The following PLSCR2 variants were observed in gnomAD, a reference collection of about 807,000 sequenced individuals.
PLSCR2 encodes the protein phospholipid scramblase 2, also known as PL scramblase 2.
A neutral mutation model predicts 25.3 loss-of-function variants in PLSCR2; 18 were observed. The ratio of observed to expected loss-of-function variants is 0.71; its 90% CI spans 0.49 to 1.06. The LOEUF is 1.06. Ranked by LOEUF, PLSCR2 falls within the 50% of genes least tolerant of loss-of-function variation. The pLI is 0.00. For synonymous variants in PLSCR2, 88 were observed against 87.3 expected (o/e 1.01, Z -0.04); for missense variants, 243 against 269.5 (o/e 0.90, Z 0.69).
chr3:146,452,962 T>G (rs2040988585), intron 5 of PLSCR2, among the ~76,000 whole-genome samples: 1 of 151,900 alleles, frequency 6.6e-6, no homozygotes, highest in Non-Finnish European at 1.5e-5. Flanking sequence ...TACACATATA[T>G]AATCATATAT....
At chr3:146,425,446 T>C (rs1265897356) in intron 2 of PLSCR2, among the ~76,000 whole-genome samples, 4 of 152,156 alleles carry the variant, frequency 2.6e-5, no homozygotes, top group African/African-American at 7.2e-5. Context: ...TATGTAGAGT[T>C]TGGTACTATC....
intron 2 of PLSCR2, among the ~76,000 whole-genome samples, chr3:146,425,966 A>G (rs990574318): frequency 4.6e-5 from 7 of 152,132 alleles, no homozygotes; most frequent in African/African-American, 1.7e-4. Flanking sequence ...AGACAATGTA[A>G]ATACACTTTT....
intron 1 of PLSCR2, among the ~76,000 whole-genome samples, chr3:146,475,633 C>G (rs1446638359): frequency 1.3e-5 from 2 of 152,198 alleles, no homozygotes; most frequent in Non-Finnish European, 2.9e-5. Flanking sequence ...TGTGTGACCA[C>G]TGACATCTAT....
chr3:146,491,874 T>C (rs556904158), intron 1 of PLSCR2, among the ~76,000 whole-genome samples: 8 of 152,290 alleles, frequency 5.3e-5, no homozygotes, highest in African/African-American at 1.9e-4. Context: ...AACCAGGAGC[T>C]ACTGCAGTTG....
At chr3:146,445,853 C>A (rs143515414) in intron 6 of PLSCR2, among the ~76,000 whole-genome samples, 8 of 151,818 alleles carry the variant, frequency 5.3e-5, no homozygotes, top group African/African-American at 1.9e-4. Flanking sequence ...TTATTTTTGT[C>A]TCCTCTGTCT....
chr3:146,393,516 T>G (rs949322395), intron 3 of PLSCR2, among the ~76,000 whole-genome samples: 1 of 151,698 alleles, frequency 6.6e-6, no homozygotes, highest in African/African-American at 2.4e-5. Context: ...TCTAATTGTT[T>G]GATAAAAAGT....
At chr3:146,404,448 T>A (rs536425344) in intron 2 of PLSCR2, among the ~76,000 whole-genome samples, 82 of 152,316 alleles carry the variant, frequency 5.4e-4, no homozygotes, top group African/African-American at 1.9e-3. Flanking sequence ...AGAGCCCTCA[T>A]GACCTAATCA....
chr3:146,452,560 T>C (rs1287809415), intron 5 of PLSCR2, among the ~76,000 whole-genome samples: 1 of 152,172 alleles, frequency 6.6e-6, no homozygotes, highest in East Asian at 1.9e-4. Context: ...AGCATTTGTA[T>C]AAAATTTGCT....
At chr3:146,463,805 A>T, upstream of PLSCR2, 1 of 917,064 alleles carries the variant, frequency 1.1e-6, no homozygotes, top group Non-Finnish European at 1.3e-6. Flanking sequence ...ACTAAAATCT[A>T]GAATTCTCAA....
At chr3:146,391,976 A>C (rs74514822) in intron 3 of PLSCR2, among the ~76,000 whole-genome samples, 248 of 152,260 alleles carry the variant, frequency 1.6e-3, no homozygotes, top group African/African-American at 5.7e-3. Flanking sequence ...AATTGCTGTT[A>C]TAATATGCTT....
At chr3:146,441,576 C>T (rs1039919838), downstream of PLSCR2, among the ~76,000 whole-genome samples, 1 of 151,274 alleles carries the variant, frequency 6.6e-6, no homozygotes, top group African/African-American at 2.4e-5. Flanking sequence ...CATTTATAAC[C>T]CAGTTATAAA....
intron 2 of PLSCR2, among the ~76,000 whole-genome samples, chr3:146,459,589 T>A (rs1291638860): frequency 1.3e-5 from 2 of 152,162 alleles, no homozygotes; most frequent in Non-Finnish European, 2.9e-5. Context: ...GCCTAATAAA[T>A]GTTTACTTTG....
intron 2 of PLSCR2, chr3:146,415,015 T>C (rs760313433): frequency 3.9e-5 from 6 of 152,610 alleles, no homozygotes; most frequent in Non-Finnish European, 7.3e-5. Context: ...GTTTGCAAGG[T>C]TTAGCTTTCC....
chr3:146,481,577 A>G (rs62272692), intron 1 of PLSCR2, among the ~76,000 whole-genome samples: 7 of 152,224 alleles, frequency 4.6e-5, no homozygotes, highest in Non-Finnish European at 1.0e-4. Context: ...AGGAAATAAG[A>G]CAGGACACAA....
chr3:146,470,642 C>T (rs748847322), intron 1 of PLSCR2, among the ~76,000 whole-genome samples: 12 of 152,070 alleles, frequency 7.9e-5, no homozygotes, highest in Admixed American at 7.9e-4. Context: ...GCTGTTCTCC[C>T]GATTACCCTG....
In PLSCR2 at chr3:146,483,192, GA is replaced by G. The variant is rs529109615; in HGVS notation, c.-293+12702del. ...ACAAAGAACTTAAACAAATTTACAA[GA>G]AAAAAAACAAACAACCCCATCAAAA... On this transcript the variant is annotated intron_variant, in intron 1 of 8. Transcript: ENST00000336685. 3.4e-4 allele frequency among the ~76,000 whole-genome samples: 44 copies of G among 131,320 alleles called. No individual in the cohort carries two copies. In the East Asian group the frequency reaches 0.01, roughly 30 times the overall value. The allele number at this position is 131,320 out of a possible 152,430, so 86.2% of individuals were successfully genotyped here.
chr3:146,420,872 AC>A (rs2039125559), intron 2 of PLSCR2, among the ~76,000 whole-genome samples: 1 of 152,104 alleles, frequency 6.6e-6, no homozygotes, highest in African/African-American at 2.4e-5. Context: ...TCTCATACAT[AC>A]AAAAAAGATT....
At chr3:146,429,691 T>C (rs2039476279), downstream of PLSCR2, among the ~76,000 whole-genome samples, 1 of 152,104 alleles carries the variant, frequency 6.6e-6, no homozygotes. Flanking sequence ...AGTGGCATGA[T>C]CTCGGCTCAC....
Position 146,479,189 on chromosome 3 carries a change from G to A in PLSCR2, c.-293+16706C>T, listed in dbSNP as rs1042719427. On this transcript the variant is annotated intron_variant, in intron 1 of 8. Coordinates refer to the PLSCR2 transcript ENST00000336685. ...CTAGGAAGAAACTGCATCAATTAACGGGCAAAATAACCAGCTAACATTATC... is the reference window on the plus strand; with the variant it reads ...CTAGGAAGAAACTGCATCAATTAACAGGCAAAATAACCAGCTAACATTATC... Among the ~76,000 whole-genome samples the A allele has an allele frequency of 9.2e-5, 14 of 152,170 alleles. No individual in the cohort carries two copies. In the South Asian group the frequency reaches 1.9e-3, roughly 20 times the overall value.
Sources: allele counts gnomAD v4.1 joint callset (sites outside exome capture counted in the v4.1 genomes callset), GRCh38; gene constraint gnomAD v4.1.1; transcripts MANE v1.5; gene names NCBI Gene and HGNC (gene_info 2026-07-23, HGNC 2026-07-21).